The following KIF6 variants were observed in gnomAD, a reference collection of about 807,000 sequenced individuals.
KIF6 encodes the protein kinesin-like protein KIF6.
KIF6 carries 106 observed loss-of-function variants against 112.7 expected under a neutral mutation model. That is an observed-to-expected ratio of 0.94 (90% CI 0.80 to 1.11). The LOEUF (loss-of-function observed/expected upper bound fraction) is 1.11, where lower values mean the gene tolerates loss of function less well. KIF6 is among the 50% of genes least tolerant of loss of function. The pLI is 0.00. For synonymous variants in KIF6, 339 were observed against 339.9 expected (o/e 1.00, Z 0.03); for missense variants, 929 against 964.0 (o/e 0.96, Z 0.48).
chr6:39,427,613 T>G (rs1770865544), intron 14 of KIF6, among the ~76,000 whole-genome samples: 1 of 152,236 alleles, frequency 6.6e-6, no homozygotes, highest in Admixed American at 6.5e-5. Context: ...GTCTCCTGAC[T>G]TTTCATTTGA....
chr6:39,674,247 T>G (rs1025522055), intron 3 of KIF6, among the ~76,000 whole-genome samples: 1 of 152,188 alleles, frequency 6.6e-6, no homozygotes, highest in African/African-American at 2.4e-5. Context: ...CTTGTGAAAC[T>G]TTCCCCACAG....
chr6:39,591,090 T>C (rs1781928565), intron 7 of KIF6, among the ~76,000 whole-genome samples: 1 of 152,162 alleles, frequency 6.6e-6, no homozygotes, highest in East Asian at 1.9e-4. Flanking sequence ...TTCCTGAGGT[T>C]CAGTAGGCAT....
intron 13 of KIF6, among the ~76,000 whole-genome samples, chr6:39,446,737 GC>G (rs1772352571): frequency 6.6e-6 from 1 of 152,140 alleles, no homozygotes; most frequent in Non-Finnish European, 1.5e-5. Context: ...TGATCCACCA[GC>G]CTCGGCCTCC....
chr6:39,661,212 T>C (rs943845020), intron 3 of KIF6, among the ~76,000 whole-genome samples: 2 of 152,246 alleles, frequency 1.3e-5, no homozygotes, highest in Admixed American at 6.5e-5. Context: ...TTGATAATAA[T>C]AATTTTTTAA....
At chr6:39,678,725 T>A (rs992711973) in intron 3 of KIF6, among the ~76,000 whole-genome samples, 1 of 152,198 alleles carries the variant, frequency 6.6e-6, no homozygotes, top group African/African-American at 2.4e-5. Context: ...CTCATCAACT[T>A]GAGCCAAATT....
At chr6:39,546,901 G>C (rs1779098594) in intron 10 of KIF6, among the ~76,000 whole-genome samples, 2 of 151,108 alleles carry the variant, frequency 1.3e-5, no homozygotes, top group African/African-American at 4.9e-5. Context: ...CTTTGTATCA[G>C]AGGGAAATTC....
Position 39,567,523 on chromosome 6 carries a change from G to A in KIF6, c.1181+10533C>T, listed in dbSNP as rs771728461. On this transcript the variant is annotated intron_variant, in intron 10 of 22. Coordinates refer to ENST00000287152, the MANE Select transcript of KIF6 (RefSeq NM_145027.6). ...TGTCACAAAATTCTGAGTATTTCCA[G>A]TAATTCCTCAGTCATTCATCCTCAT... Among the ~76,000 whole-genome samples, 6 of 152,082 alleles carry A rather than the reference G, an allele frequency of 3.9e-5. No individual in the cohort carries two copies. In the East Asian group the frequency reaches 5.8e-4, roughly 15 times the overall value.
intron 13 of KIF6, among the ~76,000 whole-genome samples, chr6:39,461,552 T>C (rs1180775941): frequency 6.6e-6 from 1 of 152,198 alleles, no homozygotes; most frequent in Non-Finnish European, 1.5e-5. Context: ...TTTTAATATG[T>C]TTTATTAAAC....
intron 16 of KIF6, among the ~76,000 whole-genome samples, chr6:39,366,435 A>C (rs571068792): frequency 6.6e-6 from 1 of 152,318 alleles, no homozygotes; most frequent in East Asian, 1.9e-4. Context: ...TCCAGTGGGG[A>C]AGACAGACAC....
chr6:39,523,470 A>G (rs1332690773), intron 13 of KIF6, among the ~76,000 whole-genome samples: 1 of 151,410 alleles, frequency 6.6e-6, no homozygotes, highest in Admixed American at 6.6e-5. Context: ...GTCTCTCTTT[A>G]GCTTTGTTTC....
chr6:39,375,572 C>G (rs187706086), intron 16 of KIF6, among the ~76,000 whole-genome samples: 137 of 152,258 alleles, frequency 9.0e-4, no homozygotes, highest in African/African-American at 2.7e-3. Context: ...GCTGGGACAT[C>G]GATCTCCTGC....
intron 13 of KIF6, among the ~76,000 whole-genome samples, chr6:39,512,712 G>A (rs144161241): frequency 2.1e-4 from 32 of 152,230 alleles, no homozygotes; most frequent in African/African-American, 7.0e-4. Context: ...CCTTGGCTGC[G>A]TCCCTGACAT....
At chr6:39,548,773 G>A (rs1020635729) in intron 10 of KIF6, among the ~76,000 whole-genome samples, 10 of 152,216 alleles carry the variant, frequency 6.6e-5, no homozygotes, top group African/African-American at 2.4e-4. Context: ...CCAGAACTCT[G>A]CTGAACAGTG....
intron 3 of KIF6, among the ~76,000 whole-genome samples, chr6:39,681,772 C>T (rs1787533124): frequency 6.6e-6 from 1 of 152,150 alleles, no homozygotes; most frequent in Non-Finnish European, 1.5e-5. Flanking sequence ...AATGCAATTT[C>T]TGGCCCTGTG....
intron 15 of KIF6, among the ~76,000 whole-genome samples, chr6:39,415,061 G>A (rs768298912): frequency 9.2e-5 from 14 of 151,948 alleles, no homozygotes; most frequent in Middle Eastern, 3.4e-3. Flanking sequence ...GGTGGTGGGC[G>A]CCTATAATCC....
At chr6:39,576,610 G>A (rs980795873) in intron 10 of KIF6, among the ~76,000 whole-genome samples, 5 of 152,180 alleles carry the variant, frequency 3.3e-5, no homozygotes, top group African/African-American at 1.2e-4. Context: ...GTCTCGACTA[G>A]CACCTGTGGC....
rs568853802 is a variant in KIF6, at chr6:39,572,027, T to C, written c.1181+6029A>G. Among the ~76,000 whole-genome samples the C allele has an allele frequency of 4.6e-5, 7 of 152,322 alleles. 1 individual carries two copies. The South Asian group carries it at 1.4e-3, about 32-fold the overall frequency. On this transcript the variant is annotated intron_variant, in intron 10 of 22. Transcript: ENST00000287152. ...CTGAATTCCTACATAATTATTTTGC[T>C]TTTTATTATCATAGTGAGTAAATAA... is the stretch of plus-strand genomic sequence containing the variant.
intron 13 of KIF6, among the ~76,000 whole-genome samples, chr6:39,438,911 T>C (rs1415460415): frequency 6.6e-6 from 1 of 152,236 alleles, no homozygotes; most frequent in African/African-American, 2.4e-5. Context: ...ACTATTTCTA[T>C]GTATAGACAC....
chr6:39,671,461 C>T (rs75685269), intron 3 of KIF6, among the ~76,000 whole-genome samples: 63 of 152,248 alleles, frequency 4.1e-4, no homozygotes, highest in African/African-American at 1.4e-3. Flanking sequence ...GGGTCTAGCC[C>T]GCTTCTATCC....
Sources: gnomAD v4.1 joint callset for allele counts (sites outside exome capture counted in the v4.1 genomes callset) on GRCh38, gnomAD v4.1.1 for gene constraint, MANE v1.5 for transcripts, NCBI Gene and HGNC (gene_info 2026-07-23, HGNC 2026-07-21) for gene names.